The following ARF6 variants were observed in gnomAD, a reference collection of about 807,000 sequenced individuals.
ARF6 encodes the protein ARF GTPase 6, also known as ADP-ribosylation factor 6.
For missense variants in ARF6, 75 were observed against 232.0 expected (o/e 0.32, Z 4.40); for synonymous variants, 127 against 95.5 (o/e 1.33, Z -1.92).
Position 49,893,567 on chromosome 14 carries a change from C to T in ARF6, c.-170C>T. The T allele has an allele frequency of 1.3e-6, 1 of 748,050 alleles. No homozygotes were observed. The highest frequency in any genetic ancestry group is 1.9e-5 in the South Asian group (1 of 53,536). 46.3% of individuals were successfully genotyped at this position (748,050 alleles called of 1,614,324 possible). On this transcript the variant is annotated 5_prime_UTR_variant, in exon 2 of 2. Transcript: ENST00000298316. ...ATCAAGTTGTGCGGTCGGTGATGCC[C>T]GAGTGAGCGGGGGGCCTGGGCCTCT... is the stretch of plus-strand genomic sequence containing the variant.
At position 49,896,673 on chromosome 14, in the gene ARF6, A is replaced by G. The variant is rs556504623; in HGVS notation, c.*2409A>G. Reference sequence around the variant, plus strand: ...GGGGAAGCAAATATTTGAAATTTGGAAAACCCTAAACCTTTTGGTAAGAAA... The same window carrying G: ...GGGGAAGCAAATATTTGAAATTTGGGAAACCCTAAACCTTTTGGTAAGAAA... On this transcript the variant is annotated 3_prime_UTR_variant, in exon 2 of 2. Coordinates refer to ENST00000298316, the MANE Select transcript of ARF6 (RefSeq NM_001663.4). 2.8e-3 allele frequency: 460 copies of G among 167,150 alleles called. No individual in the cohort carries two copies. The highest frequency in any genetic ancestry group is 5.3e-3 in the Non-Finnish European group (359 of 68,080). 10.4% of individuals were successfully genotyped at this position (167,150 alleles called of 1,614,324 possible). A position where few individuals can be genotyped will look rare whatever the true frequency, so the allele number is the denominator to read the frequency against.
At position 49,894,450 on chromosome 14, in the gene ARF6, TTCC is replaced by T. The variant is rs1594841143; in HGVS notation, c.*188_*190del. ...CTCTTTTGTTTGTTTCCCTTTCTTT[TTCC>T]TTTTTTTTTTTTTTTTTTTTTTGTT... On this transcript the variant is annotated 3_prime_UTR_variant, in exon 2 of 2. Transcript: ENST00000298316. The T allele has an allele frequency of 7.6e-6, 4 of 526,816 alleles. No individual in the cohort carries two copies. The highest frequency in any genetic ancestry group is 9.4e-6 in the Non-Finnish European group (3 of 319,366). 32.6% of individuals were successfully genotyped at this position (526,816 alleles called of 1,614,324 possible).
rs1346636476 is a variant in ARF6 at position 49,896,470 on chromosome 14, T to C, written c.*2206T>C. On this transcript the variant is annotated 3_prime_UTR_variant, in exon 2 of 2. Transcript: ENST00000298316. The stretch of plus-strand genomic sequence containing the variant: ...AACTTGAAACCCTCATGTTAAATCT[T>C]AAATGTAGTATTTCTAACTTGTGAA... The C allele has an allele frequency of 6.0e-6, 1 of 167,082 alleles. No homozygotes were observed. Among genetic ancestry groups the C allele is most frequent in the African/African-American group, 2.4e-5 (1 of 41,468 alleles). The allele number at this position is 167,082 out of a possible 1,614,324, so 10.3% of individuals were successfully genotyped here. A position where few individuals can be genotyped will look rare whatever the true frequency, so the allele number is the denominator to read the frequency against.
Position 49,894,570 on chromosome 14 carries a change from AAC to A in ARF6, c.*310_*311del, listed in dbSNP as rs1468552442. The stretch of plus-strand genomic sequence containing the variant: ...GACTTCCAGCAGATGGGATGGGGGA[AAC>A]ACAGCAGTTCTTGGTAAAGTCCTTT... On this transcript the variant is annotated 3_prime_UTR_variant, in exon 2 of 2. Coordinates refer to ENST00000298316, the MANE Select transcript of ARF6 (RefSeq NM_001663.4). 1 of 293,104 alleles carries A rather than the reference AAC, an allele frequency of 3.4e-6. No individual in the cohort carries two copies. Among genetic ancestry groups the A allele is most frequent in the Non-Finnish European group, 6.8e-6 (1 of 147,110 alleles). The allele number at this position is 293,104 out of a possible 1,614,324, so 18.2% of individuals were successfully genotyped here. A position where few individuals can be genotyped will look rare whatever the true frequency, so the allele number is the denominator to read the frequency against.
At position 49,894,057 on chromosome 14, in the gene ARF6, C is replaced by A; in HGVS notation, c.321C>A (p.Ile107=). Residue 107 remains isoleucine (I), a synonymous_variant, in exon 2 of 2, where the codon ATC becomes ATA. Transcript: ENST00000298316. ...CTCGCCAGGAGCTGCACCGCATTAT[C>A]AATGACCGGGAGATGAGGGACGCCA... ...DEARQELHRI[I]NDREMRDAII... 2 of 1,614,180 alleles carry A rather than the reference C, an allele frequency of 1.2e-6. No individual in the cohort carries two copies. Among genetic ancestry groups the A allele is most frequent in the Non-Finnish European group, 1.7e-6 (2 of 1,180,032 alleles).
chr14:49,893,560 T>C lies in ARF6; in HGVS notation c.-177T>C, dbSNP rs1295562795. The C allele has an allele frequency of 4.2e-6, 3 of 706,878 alleles. No individual in the cohort carries two copies. The highest frequency in any genetic ancestry group is 3.6e-5 in the African/African-American group (2 of 55,642). 43.8% of individuals were successfully genotyped at this position (706,878 alleles called of 1,614,324 possible). ...TGGAGAAATCAAGTTGTGCGGTCGG[T>C]GATGCCCGAGTGAGCGGGGGGCCTG... On this transcript the variant is annotated 5_prime_UTR_variant, in exon 2 of 2. Transcript: ENST00000298316.
In ARF6 at chr14:49,896,325, T is replaced by C. The variant is rs535745763; in HGVS notation, c.*2061T>C. On this transcript the variant is annotated 3_prime_UTR_variant, in exon 2 of 2. Transcript: ENST00000298316. ...TTCCAAAGCTCCACCATAAATGTAA[T>C]TTTTAGTGTTTCAAATGATTGCATT... is the stretch of plus-strand genomic sequence containing the variant. 1 of 167,140 alleles carries C rather than the reference T, an allele frequency of 6.0e-6. No homozygotes were observed. The highest frequency in any genetic ancestry group is 2.1e-4 in the South Asian group (1 of 4,834). 10.4% of individuals were successfully genotyped at this position (167,140 alleles called of 1,614,324 possible).
Position 49,894,802 on chromosome 14 carries a change from T to C in ARF6, c.*538T>C, listed in dbSNP as rs1231992950. 6.0e-6 allele frequency: 1 copy of C among 166,842 alleles called. No individual in the cohort carries two copies. Among genetic ancestry groups the C allele is most frequent in the East Asian group, 1.9e-4 (1 of 5,188 alleles). The allele number at this position is 166,842 out of a possible 1,614,324, so 10.3% of individuals were successfully genotyped here. A position where few individuals can be genotyped will look rare whatever the true frequency, so the allele number is the denominator to read the frequency against. On this transcript the variant is annotated 3_prime_UTR_variant, in exon 2 of 2. Transcript: ENST00000298316. ...CGTTTGTCTTTTATATTTAAGGCCT[T>C]CCCCCCCCTTCCTTATGAGTTCTAA... is the stretch of plus-strand genomic sequence containing the variant.
In ARF6 at chr14:49,894,117, C is replaced by G. The variant is rs767302736; in HGVS notation, c.381C>G (p.Pro127=). The G allele has an allele frequency of 1.9e-6, 3 of 1,613,988 alleles. No individual in the cohort carries two copies. The highest frequency in any genetic ancestry group is 2.7e-5 in the African/African-American group (2 of 74,878). ...TCTTCGCCAACAAGCAGGACCTGCCCGATGCCATGAAACCCCACGAGATCC... is the reference window on the plus strand; with the variant it reads ...TCTTCGCCAACAAGCAGGACCTGCCGGATGCCATGAAACCCCACGAGATCC... The part of the protein sequence containing the change: ...ILIFANKQDL[P]DAMKPHEIQE... The change falls in exon 2 of 2, where the codon CCC becomes CCG. Residue 127 remains proline, a synonymous_variant. Coordinates refer to ENST00000298316, the MANE Select transcript of ARF6 (RefSeq NM_001663.4).
Position 49,893,853 on chromosome 14 carries a change from G to A in ARF6, c.117G>A (p.Val39=). The A allele has an allele frequency of 6.2e-7, 1 of 1,614,266 alleles. No individual in the cohort carries two copies. The highest frequency in any genetic ancestry group is 1.1e-5 in the South Asian group (1 of 91,082). ...ACAAGTTGAAGCTGGGCCAGTCGGT[G>A]ACCACCATTCCCACTGTGGGTTTCA... The part of the protein sequence containing the change: ...ILYKLKLGQS[V]TTIPTVGFNV... Residue 39 remains valine, a synonymous_variant, in exon 2 of 2, where the codon GTG becomes GTA. Coordinates refer to ENST00000298316, the MANE Select transcript of ARF6 (RefSeq NM_001663.4).
Position 49,894,709 on chromosome 14 carries a change from A to T in ARF6, c.*445A>T, listed in dbSNP as rs1214715394. ...ACTTGCTGTAGATGGCTTATTTTGC[A>T]TTCATGCAGACTATGTTGCAAGTCT... On this transcript the variant is annotated 3_prime_UTR_variant, in exon 2 of 2. Coordinates refer to ENST00000298316, the MANE Select transcript of ARF6 (RefSeq NM_001663.4). The T allele has an allele frequency of 5.9e-6, 1 of 170,344 alleles. No individual in the cohort carries two copies. The highest frequency in any genetic ancestry group is 2.4e-5 in the African/African-American group (1 of 41,286). 10.6% of individuals were successfully genotyped at this position (170,344 alleles called of 1,614,324 possible).
In ARF6 at chr14:49,893,648, C is replaced by G. The variant is rs1894480419; in HGVS notation, c.-89C>G. 2 of 1,518,550 alleles carry G rather than the reference C, an allele frequency of 1.3e-6. No homozygotes were observed. Among genetic ancestry groups the G allele is most frequent in the Non-Finnish European group, 8.9e-7 (1 of 1,119,610 alleles). 94.1% of individuals were successfully genotyped at this position (1,518,550 alleles called of 1,614,324 possible). Reference sequence around the variant, plus strand: ...CAAAGGCGCTCTCGCGGCCGAGAGGCTTCGTTTCGGTTTCGCGGCGGCGGC... The same window carrying G: ...CAAAGGCGCTCTCGCGGCCGAGAGGGTTCGTTTCGGTTTCGCGGCGGCGGC... On this transcript the variant is annotated 5_prime_UTR_variant, in exon 2 of 2. Transcript: ENST00000298316.
chr14:49,894,452 C>A lies in ARF6; in HGVS notation c.*188C>A. The A allele has an allele frequency of 1.0e-5, 4 of 391,918 alleles. No homozygotes were observed. Among genetic ancestry groups the A allele is most frequent in the Non-Finnish European group, 1.7e-5 (4 of 240,492 alleles). 24.3% of individuals were successfully genotyped at this position (391,918 alleles called of 1,614,324 possible). ...CTTTTGTTTGTTTCCCTTTCTTTTT[C>A]CTTTTTTTTTTTTTTTTTTTTTTGT... is the stretch of plus-strand genomic sequence containing the variant. On this transcript the variant is annotated 3_prime_UTR_variant, in exon 2 of 2. Transcript: ENST00000298316.
At position 49,894,064 on chromosome 14, in the gene ARF6, C is replaced by G; in HGVS notation, c.328C>G (p.Arg110Gly). ...RQELHRIINDREMRDAIILIF... is the reference protein window; with the variant it reads ...RQELHRIINDGEMRDAIILIF... The stretch of plus-strand genomic sequence containing the variant: ...GGAGCTGCACCGCATTATCAATGAC[C>G]GGGAGATGAGGGACGCCATAATCCT... The change falls in exon 2 of 2, where the codon CGG (arginine) becomes GGG (glycine). Residue 110 changes from arginine to glycine, a missense_variant. By Grantham distance (125) the Arg-to-Gly change is moderately radical. Transcript: ENST00000298316. 6.2e-7 allele frequency: 1 copy of G among 1,614,172 alleles called. No homozygotes were observed. The highest frequency in any genetic ancestry group is 8.5e-7 in the Non-Finnish European group (1 of 1,180,030).
chr14:49,893,598 TAGG>T lies in ARF6; in HGVS notation c.-135_-133del, dbSNP rs1894479252. The T allele has an allele frequency of 9.4e-7, 1 of 1,065,130 alleles. No homozygotes were observed. The highest frequency in any genetic ancestry group is 2.5e-5 in the Admixed American group (1 of 39,544). 66.0% of individuals were successfully genotyped at this position (1,065,130 alleles called of 1,614,324 possible). ...AGCGGGGGGCCTGGGCCTCTGCCCT[TAGG>T]AGGCAACTCCCACGCAGGCCGCAAA... On this transcript the variant is annotated 5_prime_UTR_variant, in exon 2 of 2. Transcript: ENST00000298316.
At position 49,894,080 on chromosome 14, in the gene ARF6, C is replaced by T; in HGVS notation, c.344C>T (p.Ala115Val). 3 of 1,614,152 alleles carry T rather than the reference C, an allele frequency of 1.9e-6. No individual in the cohort carries two copies. The highest frequency in any genetic ancestry group is 2.5e-6 in the Non-Finnish European group (3 of 1,180,036). The change falls in exon 2 of 2, where the codon GCC (alanine) becomes GTC (valine). Residue 115 changes from alanine to valine, a missense_variant. By Grantham distance (64) the Ala-to-Val change is moderately conservative (BLOSUM62 0). Coordinates refer to ENST00000298316, the MANE Select transcript of ARF6 (RefSeq NM_001663.4). ...RIINDREMRD[A>V]IILIFANKQD... ...ATCAATGACCGGGAGATGAGGGACG[C>T]CATAATCCTCATCTTCGCCAACAAG...
Position 49,893,455 on chromosome 14 carries a change from A to C in ARF6, c.-282A>C. The stretch of plus-strand genomic sequence containing the variant: ...CGCTCGCGCGGCGCCTGCGGGGGGA[A>C]GGGCAGTTCCGGGCCGGGCCGCGCC... On this transcript the variant is annotated 5_prime_UTR_variant, in exon 2 of 2. Transcript: ENST00000298316. 22 of 271,552 alleles carry C rather than the reference A, an allele frequency of 8.1e-5. No individual in the cohort carries two copies. Among genetic ancestry groups the C allele is most frequent in the East Asian group, 1.5e-4 (2 of 13,226 alleles). The allele number at this position is 271,552 out of a possible 1,614,324, so 16.8% of individuals were successfully genotyped here.
Position 49,894,451 on chromosome 14 carries a change from T to G in ARF6, c.*187T>G. Reference sequence around the variant, plus strand: ...TCTTTTGTTTGTTTCCCTTTCTTTTTCCTTTTTTTTTTTTTTTTTTTTTTG... The same window carrying G: ...TCTTTTGTTTGTTTCCCTTTCTTTTGCCTTTTTTTTTTTTTTTTTTTTTTG... On this transcript the variant is annotated 3_prime_UTR_variant, in exon 2 of 2. Coordinates refer to ENST00000298316, the MANE Select transcript of ARF6 (RefSeq NM_001663.4). The G allele has an allele frequency of 2.0e-6, 1 of 506,700 alleles. No individual in the cohort carries two copies. The highest frequency in any genetic ancestry group is 3.3e-6 in the Non-Finnish European group (1 of 306,068). 31.4% of individuals were successfully genotyped at this position (506,700 alleles called of 1,614,324 possible).
Position 49,893,466 on chromosome 14 carries a change from G to A in ARF6, c.-271G>A, listed in dbSNP as rs1384919055. 2 of 357,142 alleles carry A rather than the reference G, an allele frequency of 5.6e-6. No homozygotes were observed. The highest frequency in any genetic ancestry group is 2.2e-5 in the African/African-American group (1 of 46,358). The allele number at this position is 357,142 out of a possible 1,614,324, so 22.1% of individuals were successfully genotyped here. ...CGCCTGCGGGGGGAAGGGCAGTTCC[G>A]GGCCGGGCCGCGCCTCAGCAGGGCG... On this transcript the variant is annotated 5_prime_UTR_variant, in exon 2 of 2. Coordinates refer to ENST00000298316, the MANE Select transcript of ARF6 (RefSeq NM_001663.4).
Sources: allele counts gnomAD v4.1 joint callset, GRCh38; gene constraint gnomAD v4.1.1; transcripts MANE v1.5; gene names NCBI Gene and HGNC (gene_info 2026-07-23, HGNC 2026-07-21).